LPIN1: variants seen among roughly 807,000 people sequenced by gnomAD.
The protein encoded by LPIN1 is lipin 1, also known as phosphatidate phosphatase LPIN1.
In LPIN1, 71 loss-of-function variants were observed where a neutral mutation model predicts 107.5. The ratio of observed to expected loss-of-function variants is 0.66; its 90% confidence interval spans 0.55 to 0.80. The LOEUF is 0.80. Among genes scored for constraint, LPIN1 ranks in the 30% least tolerant of loss-of-function variants. The probability of loss-of-function intolerance (pLI) is 0.00; values close to 1 mark genes in which losing one functional copy is unlikely to be tolerated. For missense variants in LPIN1, 1,043 were observed against 1,160.6 expected (o/e 0.90, Z 1.47); for synonymous variants, 445 against 452.6 (o/e 0.98, Z 0.21).
intron 1 of LPIN1, among the ~76,000 whole-genome samples, chr2:11,731,062 C>T (rs1665141168): frequency 1.3e-5 from 2 of 152,182 alleles, no homozygotes; most frequent in Admixed American, 6.5e-5. Context: ...TAGTAACAAA[C>T]ACAATTTAAA....
At chr2:11,734,164 G>A (rs1046112387) in intron 1 of LPIN1, among the ~76,000 whole-genome samples, 15 of 152,168 alleles carry the variant, frequency 9.9e-5, no homozygotes, top group Admixed American at 9.8e-4. Flanking sequence ...TGAAGCTACT[G>A]TTAGAGCATG....
rs1477838046 is a variant in LPIN1 at position 11,765,763 on chromosome 2, C to G, written c.192+30C>G. ...GCTCTCAGGGCACGGGGACCTGGCACCGGCTCTCCTTAGAGAATGCCCTTG... is the reference window on the plus strand; with the variant it reads ...GCTCTCAGGGCACGGGGACCTGGCAGCGGCTCTCCTTAGAGAATGCCCTTG... On this transcript the variant is annotated intron_variant, in intron 2 of 20. Coordinates refer to ENST00000674199, the MANE Select transcript of LPIN1 (RefSeq NM_001349206.2). This position sits in a 1 kb window ranked among gnomAD's most constrained non-coding sequence, Gnocchi z 4.4. 4 of 1,592,300 alleles carry G rather than the reference C, an allele frequency of 2.5e-6. No individual in the cohort carries two copies. Among genetic ancestry groups the G allele is most frequent in the East Asian group, 2.2e-5 (1 of 44,620 alleles).
chr2:11,733,878 G>T (rs1332020086), intron 1 of LPIN1, among the ~76,000 whole-genome samples: 1 of 152,172 alleles, frequency 6.6e-6, no homozygotes, highest in African/African-American at 2.4e-5. Context: ...AAGTTCCATT[G>T]TACAAAAAGC....
At chr2:11,686,169 G>T (rs140032278) in intron 1 of LPIN1, among the ~76,000 whole-genome samples, 8 of 152,300 alleles carry the variant, frequency 5.3e-5, no homozygotes, top group Non-Finnish European at 1.0e-4. Flanking sequence ...ACAGATGCAG[G>T]AATGAAATGA....
intron 1 of LPIN1, among the ~76,000 whole-genome samples, chr2:11,725,754 T>G (rs1664574933): frequency 1.3e-5 from 2 of 152,184 alleles, no homozygotes; most frequent in Non-Finnish European, 2.9e-5. Flanking sequence ...AGCCAGCCAG[T>G]GTGGTCTGAC....
upstream of LPIN1, chr2:11,724,226 C>A: frequency 1.7e-6 from 1 of 589,194 alleles, no homozygotes; most frequent in Non-Finnish European, 2.1e-6. Context: ...CACTCCTCTT[C>A]ATCTCTTTCT....
chr2:11,693,545 G>A (rs933884123), intron 1 of LPIN1, among the ~76,000 whole-genome samples: 2 of 151,870 alleles, frequency 1.3e-5, no homozygotes, highest in Non-Finnish European at 2.9e-5. Context: ...GGTGTGAGTG[G>A]TCACCTGGCA....
At chr2:11,819,727 A>G in intron 19 of LPIN1, 129 bp downstream of exon 19, 1 of 783,818 alleles carries the variant, frequency 1.3e-6, no homozygotes, top group South Asian at 1.4e-5. Flanking sequence ...AGCCTGGTGA[A>G]GAGCCACTTG....
intron 14 of LPIN1, among the ~76,000 whole-genome samples, chr2:11,801,062 T>C (rs1440066290): frequency 6.6e-6 from 1 of 152,210 alleles, no homozygotes; most frequent in African/African-American, 2.4e-5. Flanking sequence ...AGATAGCATC[T>C]CACCCCAGTT....
chr2:11,814,250 G>C (rs1489599003), intron 17 of LPIN1, among the ~76,000 whole-genome samples: 1 of 152,182 alleles, frequency 6.6e-6, no homozygotes, highest in Non-Finnish European at 1.5e-5. Context: ...CCCCGAGGCA[G>C]ATGCTACTGG....
intron 5 of LPIN1, among the ~76,000 whole-genome samples, chr2:11,775,786 T>C (rs1672561681): frequency 6.6e-6 from 1 of 151,570 alleles, no homozygotes. Context: ...TTTCTTTATT[T>C]TCTTAAAAAT....
chr2:11,680,424 G>A (rs1036676335), intron 1 of LPIN1, among the ~76,000 whole-genome samples: 5 of 151,672 alleles, frequency 3.3e-5, no homozygotes, highest in African/African-American at 7.3e-5. Flanking sequence ...GTGGGGTAAC[G>A]GGGCGATCTG....
intron 1 of LPIN1, among the ~76,000 whole-genome samples, chr2:11,730,253 A>T (rs1015852894): frequency 2.6e-5 from 4 of 152,092 alleles, no homozygotes; most frequent in African/African-American, 9.7e-5. Flanking sequence ...TCATCCCTGC[A>T]CTGAGTTTCC....
At chr2:11,684,945 A>G (rs199769340) in intron 1 of LPIN1, among the ~76,000 whole-genome samples, 462 of 32,494 alleles carry the variant, frequency 0.014, 2 homozygotes, top group African/African-American at 0.027. Context: ...AATAAAACAA[A>G]CATCCTGCCC....
At chr2:11,693,790 A>G (rs191958908) in intron 1 of LPIN1, among the ~76,000 whole-genome samples, 1,167 of 23,212 alleles carry the variant, frequency 0.05, 9 homozygotes, top group Non-Finnish European at 0.064. Context: ...GTGAGTGTGT[A>G]TATATATATA....
chr2:11,730,391 CCTCAT>C (rs1459846406), intron 1 of LPIN1, among the ~76,000 whole-genome samples: 1 of 152,106 alleles, frequency 6.6e-6, no homozygotes, highest in Non-Finnish European at 1.5e-5. Flanking sequence ...CTACTGCACA[CCTCAT>C]CTCATCTGTT....
chr2:11,816,311 A>G (rs1680562822), intron 18 of LPIN1: 1 of 152,224 alleles, frequency 6.6e-6, no homozygotes. Flanking sequence ...GAGCTATCAT[A>G]ACAGCACTGA....
At chr2:11,692,667 T>A (rs1352680703) in intron 1 of LPIN1, among the ~76,000 whole-genome samples, 1 of 152,274 alleles carries the variant, frequency 6.6e-6, no homozygotes, top group East Asian at 1.9e-4. Context: ...TCTCCTCTGC[T>A]TTCCTCCCAG....
chr2:11,748,799 A>T (rs1437575864), intron 1 of LPIN1, among the ~76,000 whole-genome samples: 1 of 152,214 alleles, frequency 6.6e-6, no homozygotes, highest in Non-Finnish European at 1.5e-5. Context: ...GTCGAGGGGT[A>T]CAGGCAGCTT....
Sources: allele counts gnomAD v4.1 joint callset (sites outside exome capture counted in the v4.1 genomes callset), GRCh38; gene constraint gnomAD v4.1.1; non-coding constraint Gnocchi (gnomAD v3.1); transcripts MANE v1.5; gene names NCBI Gene and HGNC (gene_info 2026-07-23, HGNC 2026-07-21).